GLB1: variants seen among roughly 807,000 people sequenced by gnomAD.
The protein encoded by GLB1 is beta-galactosidase.
In GLB1, 56 loss-of-function variants were observed where a neutral mutation model predicts 74.0. The observed-to-expected ratio is 0.76, with a 90% confidence interval of 0.61 to 0.94. The LOEUF is 0.94. GLB1 is among the 40% of genes least tolerant of loss of function. The pLI, the probability that GLB1 is intolerant of heterozygous loss-of-function variation, is 0.00. For missense variants in GLB1, 787 were observed against 845.5 expected (o/e 0.93, Z 0.86); for synonymous variants, 323 against 323.6 (o/e 1.00, Z 0.02).
chr3:33,053,298 G>C (rs1344280370), intron 7 of GLB1, among the ~76,000 whole-genome samples, 193 bp downstream of exon 7: 1 of 152,204 alleles, frequency 6.6e-6, no homozygotes, highest in Non-Finnish European at 1.5e-5. Context: ...TTCCACCCCA[G>C]TGCAGGAGCT....
At chr3:33,034,852 C>A in intron 10 of GLB1, 1 of 540,000 alleles carries the variant, frequency 1.9e-6, no homozygotes, top group Non-Finnish European at 3.7e-6. Flanking sequence ...CCAGGACTGA[C>A]TGATCATCTA....
At chr3:33,080,946 C>T (rs951186375) in intron 1 of GLB1, among the ~76,000 whole-genome samples, 2 of 152,152 alleles carry the variant, frequency 1.3e-5, no homozygotes, top group Admixed American at 6.5e-5. Context: ...GGGGTGGTAA[C>T]GCCTCAAAGA....
chr3:33,076,493 AGGCAGAAGAGATGT>A (rs559911805), intron 1 of GLB1, among the ~76,000 whole-genome samples: 129 of 152,322 alleles, frequency 8.5e-4, no homozygotes, highest in African/African-American at 2.6e-3. Context: ...TGGGCAAAAA[AGGCAGAAGAGATGT>A]GGCTATGGCC....
chr3:33,071,720 C>A (rs1267463959), intron 2 of GLB1, among the ~76,000 whole-genome samples: 3 of 152,140 alleles, frequency 2.0e-5, no homozygotes, highest in Non-Finnish European at 2.9e-5. Context: ...TCCTTCTCCC[C>A]TGAAGCAAGT....
At chr3:33,002,350 T>TCCCTCCCTCCCTTCCTTCCTTCCTTCCA (rs1324850310) in intron 15 of GLB1, among the ~76,000 whole-genome samples, 1 of 43,798 alleles carries the variant, frequency 2.3e-5, no homozygotes. Flanking sequence ...CCTCCCTCCC[T>TCCCTCCCTCCCTTCCTTCCTTCCTTCCA]TCCTTCCTTC....
At chr3:32,990,755 C>T in the GLB1 span, among the ~76,000 whole-genome samples, 2 of 152,102 alleles carry the variant, frequency 1.3e-5, no homozygotes, top group Admixed American at 6.5e-5. Context: ...GGGCAGATCA[C>T]GAGGTCAGGA....
At chr3:33,049,216 C>T (rs1698871834) in intron 9 of GLB1, among the ~76,000 whole-genome samples, 1 of 152,122 alleles carries the variant, frequency 6.6e-6, no homozygotes, top group African/African-American at 2.4e-5. Flanking sequence ...AGGCACCCAC[C>T]AGGTCTCAAC....
intron 10 of GLB1, among the ~76,000 whole-genome samples, chr3:33,041,616 C>G (rs909941921): frequency 1.3e-5 from 2 of 148,546 alleles, no homozygotes; most frequent in African/African-American, 5.0e-5. Flanking sequence ...GAGCCAAGAT[C>G]TCACCACTGC....
intron 15 of GLB1, among the ~76,000 whole-genome samples, chr3:33,013,804 T>C (rs1238105578): frequency 6.6e-6 from 1 of 152,158 alleles, no homozygotes; most frequent in Non-Finnish European, 1.5e-5. Context: ...GGGGTCATGA[T>C]TCTTCTTGGA....
intron 11 of GLB1, among the ~76,000 whole-genome samples, chr3:33,022,910 C>T (rs1697558708): frequency 1.3e-5 from 2 of 152,012 alleles, no homozygotes; most frequent in Admixed American, 6.6e-5. Flanking sequence ...TGATGTGCAG[C>T]ATCAAGGAAA....
chr3:33,068,335 G>C (rs899638120), intron 3 of GLB1, 45 bp from the exon 4 acceptor site: 2 of 1,611,492 alleles, frequency 1.2e-6, no homozygotes, highest in Non-Finnish European at 1.7e-6. Context: ...TTCCGTGAAG[G>C]GTGCTCAGAG....
intron 6 of GLB1, among the ~76,000 whole-genome samples, chr3:33,053,964 G>C (rs1484582127): frequency 6.6e-6 from 1 of 152,088 alleles, no homozygotes; most frequent in African/African-American, 2.4e-5. Context: ...AGTGAGCCGA[G>C]ATCGTGCCAC....
At chr3:33,015,031 G>A (rs189520985) in intron 14 of GLB1, among the ~76,000 whole-genome samples, 2 of 152,196 alleles carry the variant, frequency 1.3e-5, no homozygotes, top group African/African-American at 2.4e-5. Flanking sequence ...GGGCATGCAC[G>A]TATAGTCCCA....
rs1357906216 is a variant in GLB1, at chr3:33,013,694, A to C, written c.1734+362T>G. ...TTCTGGGAGCACTGGGCTTGGCATA[A>C]ATGAAAACCAGACAGACTCTCCCAG... On this transcript the variant is annotated intron_variant, in intron 15 of 15. Coordinates refer to ENST00000307363, the MANE Select transcript of GLB1 (RefSeq NM_000404.4). 2.0e-5 allele frequency among the ~76,000 whole-genome samples: 3 copies of C among 152,224 alleles called. No individual in the cohort carries two copies. In the East Asian group the frequency reaches 5.8e-4, roughly 29 times the overall value.
At chr3:33,018,685 C>T (rs1559384647) in intron 12 of GLB1, 124 bp from the exon 13 acceptor site, 1 of 1,037,644 alleles carries the variant, frequency 9.6e-7, no homozygotes, top group Non-Finnish European at 1.4e-6. Flanking sequence ...CTTCCTCCAC[C>T]TCCCGAAAAA....
chr3:32,969,843 C>T, the GLB1 span, among the ~76,000 whole-genome samples: 1 of 152,218 alleles, frequency 6.6e-6, no homozygotes, highest in Non-Finnish European at 1.5e-5. Flanking sequence ...CGTTTGTAAA[C>T]AAACAGTGTT....
At chr3:32,970,977 G>A in the GLB1 span, among the ~76,000 whole-genome samples, 2 of 152,184 alleles carry the variant, frequency 1.3e-5, no homozygotes, top group Non-Finnish European at 2.9e-5. Flanking sequence ...GCCATGCCAT[G>A]TATGTTCATA....
the GLB1 span, among the ~76,000 whole-genome samples, chr3:32,968,253 C>A: frequency 6.6e-6 from 1 of 152,122 alleles, no homozygotes; most frequent in African/African-American, 2.4e-5. Context: ...GTTTAAAAAC[C>A]AGCCAAGGCC....
chr3:32,968,745 G>C, the GLB1 span, among the ~76,000 whole-genome samples: 1 of 152,182 alleles, frequency 6.6e-6, no homozygotes, highest in Non-Finnish European at 1.5e-5. Context: ...CTTGACTCAG[G>C]CCCCAGCTTT....
Sources: allele counts gnomAD v4.1 joint callset (sites outside exome capture counted in the v4.1 genomes callset), GRCh38; gene constraint gnomAD v4.1.1; transcripts MANE v1.5; gene names NCBI Gene and HGNC (gene_info 2026-07-23, HGNC 2026-07-21).